The following AKR1C8 variants were observed in gnomAD, a reference collection of about 807,000 sequenced individuals.
The protein encoded by AKR1C8 is aldo-keto reductase family 1 member C-like protein 1.
chr10:5,140,970 T>C, the AKR1C8 span, among the ~76,000 whole-genome samples: 5 of 152,194 alleles, frequency 3.3e-5, no homozygotes, highest in African/African-American at 9.6e-5. Context: ...GCCTCATTGA[T>C]AGACTTCTTT....
the AKR1C8 span, chr10:5,122,251 G>A: frequency 1.5e-5 from 4 of 272,328 alleles, no homozygotes; most frequent in African/African-American, 2.3e-5. Context: ...AAGGGGCAAA[G>A]GCAAGGATGG....
At chr10:5,173,032 T>C in the AKR1C8 span, among the ~76,000 whole-genome samples, 1 of 152,162 alleles carries the variant, frequency 6.6e-6, no homozygotes, top group African/African-American at 2.4e-5. Flanking sequence ...GACACTTATT[T>C]ACCTTTAATT....
the AKR1C8 span, among the ~76,000 whole-genome samples, chr10:5,139,619 T>A: frequency 6.6e-6 from 1 of 152,144 alleles, no homozygotes. Context: ...TGAAATTGGA[T>A]CCCTTCCTTA....
the AKR1C8 span, among the ~76,000 whole-genome samples, chr10:5,174,563 C>T: frequency 1.3e-5 from 2 of 151,998 alleles, no homozygotes; most frequent in African/African-American, 2.4e-5. Context: ...GACCTGAGGA[C>T]ATAGAGAAAT....
At chr10:5,172,592 C>G in the AKR1C8 span, among the ~76,000 whole-genome samples, 8 of 151,970 alleles carry the variant, frequency 5.3e-5, no homozygotes, top group African/African-American at 1.9e-4. Flanking sequence ...CTTTTGTAGC[C>G]TCTATAACAA....
the AKR1C8 span, chr10:5,160,029 T>C: frequency 5.9e-6 from 2 of 337,322 alleles, no homozygotes; most frequent in Non-Finnish European, 6.3e-6. Context: ...ATATGGGTGA[T>C]AGACCTTTAG....
the AKR1C8 span, among the ~76,000 whole-genome samples, chr10:5,175,566 G>A: frequency 6.6e-6 from 1 of 152,188 alleles, no homozygotes; most frequent in East Asian, 1.9e-4. Context: ...CTTCCACAAT[G>A]TTTGAACTAG....
the AKR1C8 span, among the ~76,000 whole-genome samples, chr10:5,138,788 C>T: frequency 2.6e-5 from 4 of 152,028 alleles, no homozygotes; most frequent in Non-Finnish European, 5.9e-5. Flanking sequence ...TCTCACCACT[C>T]CTATTCAACA....
the AKR1C8 span, among the ~76,000 whole-genome samples, chr10:5,132,180 G>T: frequency 2.6e-5 from 4 of 152,106 alleles, no homozygotes; most frequent in Admixed American, 2.6e-4. Flanking sequence ...CTCAGTGTTG[G>T]GGGAGGTTGG....
At chr10:5,178,870 G>A in the AKR1C8 span, among the ~76,000 whole-genome samples, 1 of 152,032 alleles carries the variant, frequency 6.6e-6, no homozygotes, top group Admixed American at 6.5e-5. Flanking sequence ...GCCTATGTGT[G>A]TCTCTGCACA....
the AKR1C8 span, among the ~76,000 whole-genome samples, chr10:5,163,807 C>T: frequency 3.3e-5 from 5 of 152,206 alleles, no homozygotes; most frequent in South Asian, 8.3e-4. Context: ...CCAACAACTA[C>T]ACTAATAAGA....
the AKR1C8 span, chr10:5,132,892 G>T: frequency 2.8e-6 from 1 of 356,906 alleles, no homozygotes; most frequent in Non-Finnish European, 5.1e-6. Context: ...TATATATGGG[G>T]TGATAAATCC....
chr10:5,159,220 T>G, the AKR1C8 span, among the ~76,000 whole-genome samples: 7 of 152,202 alleles, frequency 4.6e-5, no homozygotes, highest in African/African-American at 1.7e-4. Flanking sequence ...TGGCTAAAAT[T>G]CATAAATTCG....
At chr10:5,141,760 T>C in the AKR1C8 span, among the ~76,000 whole-genome samples, 1 of 152,162 alleles carries the variant, frequency 6.6e-6, no homozygotes, top group Admixed American at 6.6e-5. Context: ...TGCTTTTTAT[T>C]TTAAACAGTA....
the AKR1C8 span, among the ~76,000 whole-genome samples, chr10:5,127,029 C>T: frequency 6.6e-6 from 1 of 151,934 alleles, no homozygotes; most frequent in East Asian, 1.9e-4. Context: ...GTAATATGAC[C>T]AAACAAGATT....
the AKR1C8 span, chr10:5,160,709 A>T: frequency 4.9e-6 from 2 of 411,122 alleles, no homozygotes; most frequent in Non-Finnish European, 9.9e-6. Context: ...TCCACATCTG[A>T]GGTCAGACAA....
the AKR1C8 span, among the ~76,000 whole-genome samples, chr10:5,117,760 G>C: frequency 6.6e-6 from 1 of 152,050 alleles, no homozygotes; most frequent in African/African-American, 2.4e-5. Context: ...CAGAGTGAGA[G>C]AGGAAAGCAA....
the AKR1C8 span, among the ~76,000 whole-genome samples, chr10:5,184,363 C>T: frequency 6.6e-6 from 1 of 152,186 alleles, no homozygotes; most frequent in African/African-American, 2.4e-5. Flanking sequence ...CAAAAAACTT[C>T]AGATAATCCC....
the AKR1C8 span, among the ~76,000 whole-genome samples, chr10:5,140,348 A>G: frequency 1.3e-5 from 2 of 152,136 alleles, no homozygotes; most frequent in Non-Finnish European, 2.9e-5. Context: ...ACATGCACAC[A>G]TATGTTTACT....
Sources: gnomAD v4.1 joint callset for allele counts (sites outside exome capture counted in the v4.1 genomes callset) on GRCh38, gnomAD v4.1.1 for gene constraint, MANE v1.5 for transcripts, NCBI Gene and HGNC (gene_info 2026-07-23, HGNC 2026-07-21) for gene names.